VAV3: variants seen among roughly 807,000 people sequenced by gnomAD.
The protein encoded by VAV3 is guanine nucleotide exchange factor VAV3.
Under a neutral mutation model 131.2 loss-of-function variants are expected in VAV3, and 94 were observed. The observed-to-expected ratio is 0.72, with a 90% CI of 0.61 to 0.85. The LOEUF (loss-of-function observed/expected upper bound fraction) is 0.85. VAV3 is among the 40% of genes least tolerant of loss of function. The pLI, the probability that VAV3 is intolerant of heterozygous loss-of-function variation, is 0.00. For missense variants in VAV3, 939 were observed against 1,002.7 expected (o/e 0.94, Z 0.86); for synonymous variants, 349 against 342.0 (o/e 1.02, Z -0.22).
chr1:107,957,702 G>A (rs559143318), intron 1 of VAV3, among the ~76,000 whole-genome samples: 47 of 152,254 alleles, frequency 3.1e-4, no homozygotes, highest in Non-Finnish European at 5.7e-4. Flanking sequence ...ATGGTGTGGT[G>A]AGAGTAAAGG....
intron 1 of VAV3, among the ~76,000 whole-genome samples, chr1:107,886,257 T>A (rs1322321222): frequency 6.6e-6 from 1 of 152,208 alleles, no homozygotes; most frequent in East Asian, 1.9e-4. Flanking sequence ...TTTATACACA[T>A]AACCCGATGA....
intron 20 of VAV3, among the ~76,000 whole-genome samples, chr1:107,628,091 A>T (rs1020156853): frequency 6.0e-5 from 9 of 149,584 alleles, no homozygotes; most frequent in African/African-American, 2.2e-4. Context: ...AAGGCAACCC[A>T]GTATTGTGCC....
At chr1:107,705,866 G>A (rs1660419572) in intron 15 of VAV3, among the ~76,000 whole-genome samples, 1 of 152,166 alleles carries the variant, frequency 6.6e-6, no homozygotes, top group Non-Finnish European at 1.5e-5. Flanking sequence ...GCATGATTGG[G>A]AACTCTAACT....
At chr1:107,841,442 G>T (rs1303495086) in intron 2 of VAV3, among the ~76,000 whole-genome samples, 1 of 152,130 alleles carries the variant, frequency 6.6e-6, no homozygotes, top group Non-Finnish European at 1.5e-5. Flanking sequence ...TGTTTCAAAT[G>T]TTCAGAAAAG....
intron 2 of VAV3, among the ~76,000 whole-genome samples, chr1:107,797,118 G>A (rs978394462): frequency 1.3e-5 from 2 of 152,036 alleles, no homozygotes; most frequent in Non-Finnish European, 2.9e-5. Context: ...TGTGTGTCAG[G>A]AATTCTACGT....
chr1:107,794,950 T>C (rs1478564847), intron 2 of VAV3, among the ~76,000 whole-genome samples: 3 of 152,208 alleles, frequency 2.0e-5, no homozygotes, highest in Non-Finnish European at 2.9e-5. Flanking sequence ...TTCAGCATTG[T>C]TCTCTGACGG....
intron 15 of VAV3, among the ~76,000 whole-genome samples, chr1:107,734,365 A>G (rs1245640992): frequency 6.6e-6 from 1 of 152,178 alleles, no homozygotes; most frequent in Non-Finnish European, 1.5e-5. Context: ...AACAATATTA[A>G]CCTTAAATGT....
At chr1:107,868,389 C>T (rs953652082) in intron 2 of VAV3, among the ~76,000 whole-genome samples, 3 of 152,068 alleles carry the variant, frequency 2.0e-5, no homozygotes, top group African/African-American at 7.2e-5. Context: ...AAGGTGAGGT[C>T]CCTGGGGCCA....
intron 15 of VAV3, among the ~76,000 whole-genome samples, chr1:107,742,609 C>G (rs1158139391): frequency 6.6e-6 from 1 of 152,202 alleles, no homozygotes; most frequent in East Asian, 1.9e-4. Flanking sequence ...GAGCCTTACT[C>G]ACACCAAACA....
chr1:107,770,756 G>T, intron 5 of VAV3, 28 bp from the exon 6 acceptor site: 2 of 1,552,340 alleles, frequency 1.3e-6, no homozygotes, highest in South Asian at 2.3e-5. Context: ...AAAATAAAAT[G>T]ATTTAATAAA....
At chr1:107,585,713 T>C (rs748004480) in intron 25 of VAV3, among the ~76,000 whole-genome samples, 1 of 152,148 alleles carries the variant, frequency 6.6e-6, no homozygotes, top group African/African-American at 2.4e-5. Context: ...ACTAGTGCCA[T>C]GTGATGGTGA....
At chr1:107,634,195 G>A (rs1465487893) in intron 20 of VAV3, among the ~76,000 whole-genome samples, 2 of 152,078 alleles carry the variant, frequency 1.3e-5, no homozygotes, top group South Asian at 2.1e-4. Flanking sequence ...CAAAGCTGGA[G>A]GCATCATGCT....
intron 15 of VAV3, 68 bp from the exon 16 acceptor site, chr1:107,705,129 A>T (rs1192373633): frequency 1.7e-6 from 2 of 1,210,342 alleles, no homozygotes; most frequent in Non-Finnish European, 1.2e-6. Flanking sequence ...AGTCATCTAA[A>T]CCCTAAATTC....
intron 1 of VAV3, among the ~76,000 whole-genome samples, chr1:107,945,908 G>A (rs1451403405): frequency 6.6e-6 from 1 of 151,672 alleles, no homozygotes; most frequent in Middle Eastern, 3.2e-3. Context: ...GGGGTATTTG[G>A]AAACCAAGAA....
intron 17 of VAV3, among the ~76,000 whole-genome samples, chr1:107,697,126 A>C (rs1383953448): frequency 6.6e-6 from 1 of 152,148 alleles, no homozygotes; most frequent in East Asian, 1.9e-4. Context: ...GGTGAGAAGG[A>C]ATGAGGGTGA....
intron 2 of VAV3, among the ~76,000 whole-genome samples, chr1:107,870,001 T>C (rs1367289386): frequency 6.6e-6 from 1 of 152,218 alleles, no homozygotes; most frequent in Non-Finnish European, 1.5e-5. Flanking sequence ...CTGAGTAGTA[T>C]TCCGTCATAT....
At chr1:107,731,012 C>G (rs1013976883) in intron 15 of VAV3, among the ~76,000 whole-genome samples, 2 of 152,262 alleles carry the variant, frequency 1.3e-5, no homozygotes, top group East Asian at 3.9e-4. Context: ...CCTCACCAGA[C>G]TCTTTAAGAA....
chr1:107,635,430 T>TGGACA (rs999161589), intron 20 of VAV3, among the ~76,000 whole-genome samples: 1 of 120,296 alleles, frequency 8.3e-6, no homozygotes, highest in African/African-American at 3.3e-5. Context: ...TGAGAACACA[T>TGGACA]GGACACAGGA....
At position 107,673,789 on chromosome 1, in the gene VAV3, C is replaced by T. The variant is rs561370043; in HGVS notation, c.1777+9699G>A. Reference sequence around the variant, plus strand: ...GGCATTTAATAAACATGTGGCTGCACATAAAAAATAAACATATGAGGAAAA... The same window carrying T: ...GGCATTTAATAAACATGTGGCTGCATATAAAAAATAAACATATGAGGAAAA... On this transcript the variant is annotated intron_variant, in intron 19 of 26. Coordinates refer to ENST00000370056, the MANE Select transcript of VAV3 (RefSeq NM_006113.5). 9 of 152,160 alleles carry T rather than the reference C, an allele frequency of 5.9e-5. No individual in the cohort carries two copies. In the South Asian group the frequency reaches 1.7e-3, roughly 28 times the overall value. 9.4% of individuals were successfully genotyped at this position (152,160 alleles called of 1,614,324 possible).
Sources: gnomAD v4.1 joint callset for allele counts (sites outside exome capture counted in the v4.1 genomes callset) on GRCh38, gnomAD v4.1.1 for gene constraint, MANE v1.5 for transcripts, NCBI Gene and HGNC (gene_info 2026-07-23, HGNC 2026-07-21) for gene names.